The following CNTNAP2 variants were observed in gnomAD, a reference collection of about 807,000 sequenced individuals.
CNTNAP2 encodes contactin associated protein 2.
CNTNAP2 carries 98 observed loss-of-function variants against 155.2 expected under a neutral mutation model. The ratio of observed to expected loss-of-function variants is 0.63; its 90% CI spans 0.54 to 0.75. The LOEUF (loss-of-function observed/expected upper bound fraction) is 0.75, where lower values mean the gene tolerates loss of function less well. Among genes scored for constraint, CNTNAP2 ranks in the 30% least tolerant of loss-of-function variants. CNTNAP2 has a pLI of 0.00. For synonymous variants in CNTNAP2, 651 were observed against 631.2 expected (o/e 1.03, Z -0.47); for missense variants, 1,727 against 1,688.1 (o/e 1.02, Z -0.40).
rs77192736 is a variant in CNTNAP2 at position 147,576,961 on chromosome 7, C to G, written c.1897+14704C>G. ...TTGTCTAATACACATGCAATTATAT[C>G]TAACCATCCTTGGGATGTATTTTAA... On this transcript the variant is annotated intron_variant, in intron 12 of 23. Transcript: ENST00000361727. Among the ~76,000 whole-genome samples, 13 of 152,162 alleles carry G rather than the reference C, an allele frequency of 8.5e-5. No homozygotes were observed. In the East Asian group the frequency reaches 2.5e-3, roughly 29 times the overall value.
intron 1 of CNTNAP2, among the ~76,000 whole-genome samples, chr7:146,315,192 A>G (rs985104681): frequency 6.6e-5 from 10 of 152,146 alleles, no homozygotes; most frequent in African/African-American, 2.4e-4. Context: ...GAAGCTGGAC[A>G]GATCTAGGGG....
intron 8 of CNTNAP2, among the ~76,000 whole-genome samples, chr7:147,249,646 A>G (rs1396787991): frequency 6.8e-6 from 1 of 146,504 alleles, no homozygotes; most frequent in African/African-American, 2.5e-5. Context: ...CCAATCTTCA[A>G]TCTCTCTCTC....
chr7:146,848,631 A>T (rs1312737432), intron 3 of CNTNAP2, among the ~76,000 whole-genome samples: 2 of 152,120 alleles, frequency 1.3e-5, no homozygotes. Context: ...ATAGGTAAGG[A>T]GTTGGTCACT....
intron 1 of CNTNAP2, among the ~76,000 whole-genome samples, chr7:146,723,553 C>T (rs574474098): frequency 5.9e-5 from 9 of 152,202 alleles, no homozygotes; most frequent in East Asian, 3.9e-4. Context: ...ATATAGCCAA[C>T]GGTTACATTC....
intron 17 of CNTNAP2, among the ~76,000 whole-genome samples, chr7:148,155,414 T>C (rs1223309032): frequency 6.6e-6 from 1 of 152,160 alleles, no homozygotes; most frequent in African/African-American, 2.4e-5. Context: ...TTATTTTGAT[T>C]TTTTGGTTTT....
intron 6 of CNTNAP2, among the ~76,000 whole-genome samples, chr7:147,125,531 G>A (rs1432259768): frequency 2.0e-5 from 3 of 152,152 alleles, no homozygotes; most frequent in Non-Finnish European, 2.9e-5. Flanking sequence ...ATGGTGTTTG[G>A]CTTAGATTCT....
chr7:146,129,713 A>G (rs1215069879), intron 1 of CNTNAP2, among the ~76,000 whole-genome samples: 1 of 152,210 alleles, frequency 6.6e-6, no homozygotes. Context: ...CTATGCTTCT[A>G]TGAAGTCACA....
At chr7:147,808,948 A>T (rs1446448503) in intron 13 of CNTNAP2, among the ~76,000 whole-genome samples, 6 of 152,162 alleles carry the variant, frequency 3.9e-5, no homozygotes, top group African/African-American at 7.2e-5. Flanking sequence ...CACCAAGATG[A>T]GCCCATTACA....
chr7:148,282,957 G>C (rs1796999284), intron 21 of CNTNAP2, among the ~76,000 whole-genome samples: 1 of 151,974 alleles, frequency 6.6e-6, no homozygotes, highest in Non-Finnish European at 1.5e-5. Flanking sequence ...ATTCTAGGCT[G>C]GGCTCGGTAG....
rs1168999383 is a variant in CNTNAP2 at position 147,634,021 on chromosome 7, A to G, written c.1898-5085A>G. 2.0e-5 allele frequency among the ~76,000 whole-genome samples: 3 copies of G among 152,224 alleles called. No individual in the cohort carries two copies. In the East Asian group the frequency reaches 5.8e-4, roughly 29 times the overall value. The stretch of plus-strand genomic sequence containing the variant: ...ACTGCTGGTGGGAATATAAGCTAGT[A>G]CAAGCACTATGGAAAACAGTATGGA... On this transcript the variant is annotated intron_variant, in intron 12 of 23. Transcript: ENST00000361727.
At chr7:147,176,870 TA>T (rs1479040288) in intron 8 of CNTNAP2, among the ~76,000 whole-genome samples, 1 of 128,630 alleles carries the variant, frequency 7.8e-6, no homozygotes, top group Admixed American at 8.7e-5. Flanking sequence ...TATTATAGAA[TA>T]ATTATAATAT....
At chr7:147,783,981 T>C (rs1797695534) in intron 13 of CNTNAP2, among the ~76,000 whole-genome samples, 1 of 152,178 alleles carries the variant, frequency 6.6e-6, no homozygotes, top group African/African-American at 2.4e-5. Flanking sequence ...CTCCTGAGAC[T>C]AAGAGAGGAT....
At chr7:147,675,204 A>G (rs1290490122) in intron 13 of CNTNAP2, among the ~76,000 whole-genome samples, 1 of 152,030 alleles carries the variant, frequency 6.6e-6, no homozygotes, top group Non-Finnish European at 1.5e-5. Flanking sequence ...CGTCTTCACA[A>G]GGCCTTCCAT....
chr7:146,460,873 A>G (rs1796626212), intron 1 of CNTNAP2, among the ~76,000 whole-genome samples: 1 of 152,202 alleles, frequency 6.6e-6, no homozygotes. Flanking sequence ...TCAGTTACAT[A>G]AGATAAGTCA....
chr7:146,781,479 A>C (rs967381041), intron 2 of CNTNAP2, among the ~76,000 whole-genome samples: 7 of 151,972 alleles, frequency 4.6e-5, no homozygotes, highest in Non-Finnish European at 1.0e-4. Context: ...TCAGATAATC[A>C]CTGTAGGCTG....
At chr7:147,049,252 T>C (rs1432107067) in intron 4 of CNTNAP2, among the ~76,000 whole-genome samples, 2 of 152,230 alleles carry the variant, frequency 1.3e-5, no homozygotes, top group African/African-American at 4.8e-5. Flanking sequence ...CAGATAAGAT[T>C]CTTTTTCATT....
chr7:148,221,364 T>C (rs1314940293), intron 19 of CNTNAP2, among the ~76,000 whole-genome samples: 1 of 152,112 alleles, frequency 6.6e-6, no homozygotes. Flanking sequence ...CAGAGGATGT[T>C]GGGCCAGGCT....
intron 3 of CNTNAP2, among the ~76,000 whole-genome samples, chr7:146,978,609 T>A (rs1415504996): frequency 6.6e-6 from 1 of 152,130 alleles, no homozygotes; most frequent in Non-Finnish European, 1.5e-5. Context: ...GTTAAATGTA[T>A]ATATTCATCA....
chr7:147,543,668 C>T (rs186989742), intron 11 of CNTNAP2, among the ~76,000 whole-genome samples: 43 of 152,216 alleles, frequency 2.8e-4, no homozygotes, highest in African/African-American at 8.9e-4. Flanking sequence ...AAACCATAGG[C>T]GTGATCTTGA....
Sources: allele counts gnomAD v4.1 joint callset (sites outside exome capture counted in the v4.1 genomes callset), GRCh38; gene constraint gnomAD v4.1.1; transcripts MANE v1.5; gene names NCBI Gene and HGNC (gene_info 2026-07-23, HGNC 2026-07-21).